FLG: variants seen among roughly 807,000 people sequenced by gnomAD.
The protein encoded by FLG is filaggrin, also known as epidermal filaggrin.
In FLG, 6 loss-of-function variants were observed where a neutral mutation model predicts 3.8. That is an observed-to-expected ratio of 1.60 (90% CI 0.87 to 3.15). The LOEUF (loss-of-function observed/expected upper bound fraction) is 3.15. Among genes scored for constraint, FLG ranks in the 30% most tolerant of loss-of-function variants. The probability of loss-of-function intolerance (pLI) is 0.00; values close to 1 mark genes in which losing one functional copy is unlikely to be tolerated. For missense variants in FLG, 7,595 were observed against 5,050.9 expected, an observed-to-expected ratio of 1.50 and a Z score of -15.27; for synonymous variants, 2,551 against 1,931.6, an observed-to-expected ratio of 1.32 and a Z score of -8.41.
chr1:152,307,223 C>G lies in FLG; in HGVS notation c.7663G>C (p.Glu2555Gln). ...GHSQVGQGQSEGPRTSRNWGS... is the reference protein window; with the variant it reads ...GHSQVGQGQSQGPRTSRNWGS... Reference sequence around the variant, plus strand: ...CAGTTCCTGCTTGTCCTGGGCCCCTCTGATTGTCCCTGGCCCACCTGCGAG... The same window carrying G: ...CAGTTCCTGCTTGTCCTGGGCCCCTGTGATTGTCCCTGGCCCACCTGCGAG... Residue 2555 changes from glutamate (E) to glutamine (Q), a missense_variant, in exon 3 of 3, where the codon GAG (glutamate) becomes CAG (glutamine). By Grantham distance (29) the Glu-to-Gln change is conservative. Coordinates refer to ENST00000368799, the MANE Select transcript of FLG (RefSeq NM_002016.2). 1 of 1,610,996 alleles carries G rather than the reference C, an allele frequency of 6.2e-7. No homozygotes were observed. The highest frequency in any genetic ancestry group is 8.5e-7 in the Non-Finnish European group (1 of 1,179,950).
intron 1 of FLG, among the ~76,000 whole-genome samples, chr1:152,322,273 A>C (rs1653005666): frequency 6.6e-6 from 1 of 151,154 alleles, no homozygotes; most frequent in Non-Finnish European, 1.5e-5. Flanking sequence ...TAGCTAGAGC[A>C]ATACGTTAGG....
rs200673852 is a variant in FLG at position 152,308,287 on chromosome 1, C to T, written c.6599G>A (p.Gly2200Glu). The part of the protein sequence containing the change: ...SRKTYDKEQS[G>E]DGSRHSGSHH... ...CGACCCTGAGTGCCTAGAGCCATCT[C>T]CTGATTGTTCCTTGTCATATGTTTT... Residue 2200 changes from glycine (G) to glutamate (E), a missense_variant, in exon 3 of 3, where the codon GGA becomes GAA. By Grantham distance (98) the Gly-to-Glu change is moderately conservative. Transcript: ENST00000368799. The T allele has an allele frequency of 6.2e-7, 1 of 1,613,494 alleles. No homozygotes were observed. The highest frequency in any genetic ancestry group is 1.1e-5 in the South Asian group (1 of 91,054).
Position 152,309,716 on chromosome 1 carries a change from C to A in FLG, c.5170G>T (p.Gly1724Ter), listed in dbSNP as rs747301529. ...SSGSQASDSE[G>*]HSEESDTQSV... ...TGTGTGTCTGACTCTTCTGAGTGTC[C>A]CTCGCTGTCACTGGCCTGGCTACCA... The change falls in exon 3 of 3, where the codon GGA (glycine) becomes TGA (stop). Residue 1724 changes from glycine (G) to a stop codon, truncating the protein, a stop_gained. Coordinates refer to ENST00000368799, the MANE Select transcript of FLG (RefSeq NM_002016.2). LOFTEE classifies it low-confidence loss of function (END_TRUNC). 4.3e-6 allele frequency: 7 copies of A among 1,614,056 alleles called. No homozygotes were observed. The highest frequency in any genetic ancestry group is 5.9e-6 in the Non-Finnish European group (7 of 1,180,008).
In FLG at chr1:152,304,930, G is replaced by C. The variant is rs138519433; in HGVS notation, c.9956C>G (p.Pro3319Arg). The C allele has an allele frequency of 3.5e-4, 570 of 1,613,242 alleles. 11 individuals carry two copies. In the South Asian group the frequency reaches 5.6e-3, roughly 16 times the overall value. Residue 3319 changes from proline to arginine, a missense_variant, in exon 3 of 3, where the codon CCG becomes CGG. Transcript: ENST00000368799. ...SADSSRHSGI[P>R]RGQASSAVRD... The stretch of plus-strand genomic sequence containing the variant: ...GACTGCAGATGAAGCTTGTCCACGC[G>C]GAATGCCTGAGTGTCTGGAGCTGTC...
At position 152,309,494 on chromosome 1, in the gene FLG, G is replaced by T. The variant is rs149105551; in HGVS notation, c.5392C>A (p.Arg1798=). The change falls in exon 3 of 3, where the codon CGA becomes AGA. Residue 1798 remains arginine, a synonymous_variant. Coordinates refer to ENST00000368799, the MANE Select transcript of FLG (RefSeq NM_002016.2). The part of the protein sequence containing the change: ...GRQRSRHEQA[R]DSSRHSASQE... ...GACGCTGAGTGCCTGGAGCTGTCTC[G>T]TGCCTGCTCGTGGCGGGATCTTTGT... is the stretch of plus-strand genomic sequence containing the variant. 18 of 1,613,746 alleles carry T rather than the reference G, an allele frequency of 1.1e-5. No individual in the cohort carries two copies. The South Asian group carries it at 1.6e-4, about 15-fold the overall frequency.
Position 152,313,902 on chromosome 1 carries a change from C to A in FLG, c.984G>T (p.Gln328His). The A allele has an allele frequency of 1.9e-6, 3 of 1,614,044 alleles. No individual in the cohort carries two copies. Among genetic ancestry groups the A allele is most frequent in the Non-Finnish European group, 2.5e-6 (3 of 1,179,996 alleles). ...SRNHHGSAWE[Q>H]SRDGSRHPRS... ...TGGGGTGTCTGGAGCCATCTCTTGA[C>A]TGCTCCCACGCAGATCCATGATGGT... Residue 328 changes from glutamine to histidine, a missense_variant, in exon 3 of 3, where the codon CAG (glutamine) becomes CAT (histidine). Coordinates refer to ENST00000368799, the MANE Select transcript of FLG (RefSeq NM_002016.2).
At position 152,310,144 on chromosome 1, in the gene FLG, G is replaced by C; in HGVS notation, c.4742C>G (p.Ser1581Ter). 6.2e-7 allele frequency: 1 copy of C among 1,613,942 alleles called. No individual in the cohort carries two copies. Among genetic ancestry groups the C allele is most frequent in the South Asian group, 1.1e-5 (1 of 91,064 alleles). ...SRHSQVGQGE[S>*]AGSKTSRRQG... Reference sequence around the variant, plus strand: ...GCGCCTGCTTGTCTTGGACCCCGCTGATTCTCCCTGGCCCACCTGTGAGTG... The same window carrying C: ...GCGCCTGCTTGTCTTGGACCCCGCTCATTCTCCCTGGCCCACCTGTGAGTG... Residue 1581 changes from serine to a stop codon, truncating the protein, a stop_gained, in exon 3 of 3, where the codon TCA becomes TGA. Transcript: ENST00000368799. LOFTEE classifies it low-confidence loss of function (END_TRUNC).
rs775951064 is a variant in FLG at position 152,311,310 on chromosome 1, C to T, written c.3576G>A (p.Gly1192=). The change falls in exon 3 of 3, where the codon GGG becomes GGA. Residue 1192 remains glycine, a synonymous_variant. Coordinates refer to ENST00000368799, the MANE Select transcript of FLG (RefSeq NM_002016.2). ...GGGATGTGGTGTGGCTGTGATGGGACCCTGAGTGTCCAGATCTATCTACCG... is the reference window on the plus strand; with the variant it reads ...GGGATGTGGTGTGGCTGTGATGGGATCCTGAGTGTCCAGATCTATCTACCG... The part of the protein sequence containing the change: ...EQSVDRSGHS[G]SHHSHTTSQG... The T allele has an allele frequency of 1.9e-6, 3 of 1,613,772 alleles. No homozygotes were observed. Among genetic ancestry groups the T allele is most frequent in the Non-Finnish European group, 2.5e-6 (3 of 1,179,956 alleles).
Position 152,303,169 on chromosome 1 carries a change from TG to T in FLG, c.11716del (p.His3906ThrfsTer67). 4 of 1,614,152 alleles carry T rather than the reference TG, an allele frequency of 2.5e-6. No homozygotes were observed. Among genetic ancestry groups the T allele is most frequent in the Non-Finnish European group, 3.4e-6 (4 of 1,180,022 alleles). The part of the protein sequence containing the change: ...RDGSRHPGSS[H>X]RDTASHVQSS... ...CTGTACATGACTGGCTGTATCGCGGTGAGAGGATCCGGGGTGTCTGGAGCCA... is the reference window on the plus strand; with the variant it reads ...CTGTACATGACTGGCTGTATCGCGGTAGAGGATCCGGGGTGTCTGGAGCCA... On this transcript the variant is annotated frameshift_variant, in exon 3 of 3. Transcript: ENST00000368799. LOFTEE classifies it low-confidence loss of function (END_TRUNC).
rs1272091196 is a variant in FLG, at chr1:152,313,473, C to T, written c.1413G>A (p.Gln471=). Residue 471 remains glutamine, a synonymous_variant, in exon 3 of 3, where the codon CAG becomes CAA. Transcript: ENST00000368799. ...AGTCAGGCTGTTCATGAGTGCTCACCTGGTAGAGGGAAGACCCTGAACGTC... is the reference window on the plus strand; with the variant it reads ...AGTCAGGCTGTTCATGAGTGCTCACTTGGTAGAGGGAAGACCCTGAACGTC... The part of the protein sequence containing the change: ...RSGRSGSSLY[Q]VSTHEQPDSA... 1 of 1,613,888 alleles carries T rather than the reference C, an allele frequency of 6.2e-7. No homozygotes were observed. Among genetic ancestry groups the T allele is most frequent in the Non-Finnish European group, 8.5e-7 (1 of 1,179,990 alleles).
In FLG at chr1:152,312,499, TG is replaced by T; in HGVS notation, c.2386del (p.Gln796ArgfsTer2). On this transcript the variant is annotated frameshift_variant, in exon 3 of 3. Coordinates refer to ENST00000368799, the MANE Select transcript of FLG (RefSeq NM_002016.2). LOFTEE classifies it low-confidence loss of function (END_TRUNC). ...CTCAGACTGTTTATGAGTGCTCACC[TG>T]GTAGAGGAAAGACCCTGAACGTCGA... ...RSRRSGSFLY[Q>X]VSTHKQSESS... The T allele has an allele frequency of 6.2e-7, 1 of 1,613,460 alleles. No individual in the cohort carries two copies.
Position 152,310,071 on chromosome 1 carries a change from T to G in FLG, c.4815A>C (p.Glu1605Asp), listed in dbSNP as rs367839012. ...SQDRDSEGHS[E>D]DSERRSESAS... is the part of the protein sequence containing the mutation. ...CCGACTCAGACCGCCTCTCAGAGTC[T>G]TCTGAGTGTCCCTCACTGTCCCTGT... Residue 1605 changes from glutamate (E) to aspartate (D), a missense_variant, in exon 3 of 3, where the codon GAA becomes GAC. Physicochemically the swap from Glu to Asp is conservative, Grantham distance 45 (BLOSUM62 2). Transcript: ENST00000368799. The G allele has an allele frequency of 6.2e-7, 1 of 1,613,872 alleles. No individual in the cohort carries two copies. Among genetic ancestry groups the G allele is most frequent in the African/African-American group, 1.3e-5 (1 of 74,862 alleles).
chr1:152,313,271 A>T lies in FLG; in HGVS notation c.1615T>A (p.Ser539Thr), dbSNP rs750358225. 5.0e-6 allele frequency: 8 copies of T among 1,613,178 alleles called. No individual in the cohort carries two copies. The highest frequency in any genetic ancestry group is 6.8e-6 in the Non-Finnish European group (8 of 1,179,916). The change falls in exon 3 of 3, where the codon TCT becomes ACT. Residue 539 changes from serine to threonine, a missense_variant. Physicochemically the swap from Ser to Thr is moderately conservative, Grantham distance 58 (BLOSUM62 1). Coordinates refer to ENST00000368799, the MANE Select transcript of FLG (RefSeq NM_002016.2). Reference sequence around the variant, plus strand: ...CTGTGATGGGAACCTGAGTGTCCAGACCTATTTACCGATTGCTCGTGGTGG... The same window carrying T: ...CTGTGATGGGAACCTGAGTGTCCAGTCCTATTTACCGATTGCTCGTGGTGG... The part of the protein sequence containing the change: ...GSHHEQSVNR[S>T]GHSGSHHSHT...
In FLG at chr1:152,307,526, T is replaced by C. The variant is rs200352488; in HGVS notation, c.7360A>G (p.Thr2454Ala). 5.0e-5 allele frequency: 80 copies of C among 1,612,688 alleles called. 1 individual carries two copies. The highest frequency in any genetic ancestry group is 3.5e-4 in the African/African-American group (26 of 74,564). The part of the protein sequence containing the change: ...KQARDSSRHS[T>A]SQEGQDTIHG... ...ATGGTGTCCTGACCCTCTTGGGACG[T>C]TGAGTGCCTGGAGCTGTCTCGTGCC... Residue 2454 changes from threonine to alanine, a missense_variant, in exon 3 of 3, where the codon ACG (threonine) becomes GCG (alanine). Thr to Ala is a moderately conservative substitution (Grantham distance 58, BLOSUM62 0). Transcript: ENST00000368799.
In FLG at chr1:152,305,057, G is replaced by A. The variant is rs918420067; in HGVS notation, c.9829C>T (p.Arg3277Cys). ...CCACCAGAGGAAGTCTCTGCGTGAC[G>A]AGTGCCTGATTGTCTGGAGCGGTCT... ...SADRSRQSGT[R>C]HAETSSGGQA... is the part of the protein sequence containing the mutation. The change falls in exon 3 of 3, where the codon CGT becomes TGT. Residue 3277 changes from arginine (R) to cysteine (C), a missense_variant. Physicochemically the swap from Arg to Cys is radical, Grantham distance 180 (BLOSUM62 -3). Transcript: ENST00000368799. 21 of 1,613,840 alleles carry A rather than the reference G, an allele frequency of 1.3e-5. No homozygotes were observed. The Middle Eastern group carries it at 4.9e-4, about 38-fold the overall frequency.
At chr1:152,314,819 T>C in intron 2 of FLG, 72 bp from the exon 3 acceptor site, 1 of 1,591,378 alleles carries the variant, frequency 6.3e-7, no homozygotes, top group East Asian at 2.2e-5. Context: ...AATTCAAAGT[T>C]AATTTAAGGA....
Position 152,310,629 on chromosome 1 carries a change from A to T in FLG, c.4257T>A (p.His1419Gln). 6.2e-7 allele frequency: 1 copy of T among 1,613,828 alleles called. No individual in the cohort carries two copies. The highest frequency in any genetic ancestry group is 8.5e-7 in the Non-Finnish European group (1 of 1,179,964). Residue 1419 changes from histidine (H) to glutamine (Q), a missense_variant, in exon 3 of 3, where the codon CAT (histidine) becomes CAA (glutamine). Coordinates refer to ENST00000368799, the MANE Select transcript of FLG (RefSeq NM_002016.2). ...SVSAHGQAGP[H>Q]QQSHKESARG... is the part of the protein sequence containing the mutation. ...GTGCGGACTCTTTGTGGCTCTGCTG[A>T]TGGGGCCCAGCTTGTCCGTGGGCTG...
Position 152,302,827 on chromosome 1 carries a change from A to G in FLG, c.12059T>C (p.Phe4020Ser), listed in dbSNP as rs1365403232. 2 of 1,614,216 alleles carry G rather than the reference A, an allele frequency of 1.2e-6. No individual in the cohort carries two copies. Among genetic ancestry groups the G allele is most frequent in the East Asian group, 2.2e-5 (1 of 44,892 alleles). Residue 4020 changes from phenylalanine to serine, a missense_variant, in exon 3 of 3, where the codon TTT (phenylalanine) becomes TCT (serine). Transcript: ENST00000368799. Reference sequence around the variant, plus strand: ...ATAATACCTTGGATGATCTTTACCAAACGCACTTGCTTTACAGATATCAGA... The same window carrying G: ...ATAATACCTTGGATGATCTTTACCAGACGCACTTGCTTTACAGATATCAGA... ...ERSDICKASAFGKDHPRYYAT... is the reference protein window; with the variant it reads ...ERSDICKASASGKDHPRYYAT...
rs1158197871 is a variant in FLG at position 152,302,346 on chromosome 1, C to T, written c.*354G>A. 1.0e-5 allele frequency: 3 copies of T among 286,318 alleles called. No homozygotes were observed. The highest frequency in any genetic ancestry group is 2.0e-5 in the Non-Finnish European group (3 of 152,168). 17.7% of individuals were successfully genotyped at this position (286,318 alleles called of 1,614,324 possible). A position where few individuals can be genotyped will look rare whatever the true frequency, so the allele number is the denominator to read the frequency against. ...ACAGAACTGTTTTATATTTTTGGCT[C>T]CTTCGATATTTCTGAAAAAGATTAA... On this transcript the variant is annotated 3_prime_UTR_variant, in exon 3 of 3. Coordinates refer to ENST00000368799, the MANE Select transcript of FLG (RefSeq NM_002016.2).
Sources: gnomAD v4.1 joint callset for allele counts (sites outside exome capture counted in the v4.1 genomes callset) on GRCh38, gnomAD v4.1.1 for gene constraint, MANE v1.5 for transcripts, NCBI Gene and HGNC (gene_info 2026-07-23, HGNC 2026-07-21) for gene names.